Variants in ST6GALNAC5 observed in about 807,000 individuals in gnomAD.
ST6GALNAC5 encodes alpha-N-acetylgalactosaminide alpha-2,6-sialyltransferase 5.
ST6GALNAC5 carries 27 observed loss-of-function variants against 33.6 expected under a neutral mutation model. The observed-to-expected ratio is 0.80, with a 90% CI of 0.59 to 1.11. ST6GALNAC5 has a LOEUF of 1.11. Ranked by LOEUF, ST6GALNAC5 falls within the 50% of genes least tolerant of loss-of-function variation. ST6GALNAC5 has a pLI of 0.00. For missense variants in ST6GALNAC5, 428 were observed against 454.0 expected, an observed-to-expected ratio of 0.94 and a Z score of 0.52; for synonymous variants, 194 against 171.2, an observed-to-expected ratio of 1.13 and a Z score of -1.04.
At chr1:77,056,330 A>G (rs2003706) in intron 4 of ST6GALNAC5, among the ~76,000 whole-genome samples, 58,873 of 151,988 alleles carry the variant, frequency 0.39, 12,232 homozygotes, top group African/African-American at 0.54. Flanking sequence ...ATTTTCCATT[A>G]TAAATTATTT....
chr1:76,976,316 A>C (rs1649008535), intron 2 of ST6GALNAC5, among the ~76,000 whole-genome samples: 1 of 152,156 alleles, frequency 6.6e-6, no homozygotes, highest in Non-Finnish European at 1.5e-5. Flanking sequence ...AAAGAATTTA[A>C]AAATTATTTG....
At chr1:76,959,948 G>A (rs1365231114) in intron 2 of ST6GALNAC5, among the ~76,000 whole-genome samples, 4 of 152,080 alleles carry the variant, frequency 2.6e-5, no homozygotes, top group Non-Finnish European at 4.4e-5. Flanking sequence ...CTTTGGAGAC[G>A]GATAAGAAAA....
chr1:76,995,036 T>C (rs564364257), intron 2 of ST6GALNAC5, among the ~76,000 whole-genome samples: 2 of 152,324 alleles, frequency 1.3e-5, no homozygotes, highest in South Asian at 2.1e-4. Flanking sequence ...TTGGTATAGA[T>C]CACTGTCTCT....
Position 76,868,592 on chromosome 1 carries a change from G to A in ST6GALNAC5, c.111G>A (p.Pro37=), listed in dbSNP as rs754074993. Reference sequence around the variant, plus strand: ...TCGGCGGCCAGAAGGAGCGGCCCCCGCAGCAGCAGCAGCAGCAGCAGCAAC... The same window carrying A: ...TCGGCGGCCAGAAGGAGCGGCCCCCACAGCAGCAGCAGCAGCAGCAGCAAC... ...SSLGGQKERP[P]QQQQQQQQQQ... The change falls in exon 2 of 5, where the codon CCG becomes CCA. Residue 37 remains proline, a synonymous_variant. Transcript: ENST00000477717. This position sits in a 1 kb window ranked among gnomAD's most constrained non-coding sequence, Gnocchi z 4.3. 8 of 1,516,664 alleles carry A rather than the reference G, an allele frequency of 5.3e-6. No homozygotes were observed. In the African/African-American group the frequency reaches 1.2e-4, roughly 22 times the overall value. 94.0% of individuals were successfully genotyped at this position (1,516,664 alleles called of 1,614,324 possible).
At chr1:77,057,995 C>T (rs531434123) in intron 4 of ST6GALNAC5, among the ~76,000 whole-genome samples, 5 of 152,300 alleles carry the variant, frequency 3.3e-5, no homozygotes, top group African/African-American at 9.6e-5. Flanking sequence ...CTCGCAAGCA[C>T]CACACATGGG....
intron 2 of ST6GALNAC5, among the ~76,000 whole-genome samples, chr1:77,029,268 C>T (rs1570114641): frequency 6.6e-6 from 1 of 152,282 alleles, no homozygotes; most frequent in Non-Finnish European, 1.5e-5. Flanking sequence ...AGTTACATTG[C>T]CTGCTGTCAC....
chr1:76,984,972 T>C lies in ST6GALNAC5; in HGVS notation c.262-59232T>C, dbSNP rs533538430. On this transcript the variant is annotated intron_variant, in intron 2 of 4. Transcript: ENST00000477717. ...CTTCGGCAAAATTCAACAGCTTTCT[T>C]GCTAAAAACACGCAATAAACTAGGT... Among the ~76,000 whole-genome samples the C allele has an allele frequency of 3.3e-5, 5 of 152,308 alleles. No homozygotes were observed. In the East Asian group the frequency reaches 9.6e-4, roughly 29 times the overall value.
At chr1:76,924,365 A>C (rs142288336) in intron 2 of ST6GALNAC5, among the ~76,000 whole-genome samples, 4 of 152,284 alleles carry the variant, frequency 2.6e-5, no homozygotes, top group Non-Finnish European at 4.4e-5. Flanking sequence ...CATTTTGTGC[A>C]TCTTAATATC....
intron 2 of ST6GALNAC5, among the ~76,000 whole-genome samples, chr1:76,887,124 A>G (rs1483666260): frequency 6.6e-6 from 1 of 152,220 alleles, no homozygotes; most frequent in Non-Finnish European, 1.5e-5. Flanking sequence ...TGCTACTTCC[A>G]GCCGTTCCCA....
chr1:76,892,081 C>T (rs993088604), intron 2 of ST6GALNAC5, among the ~76,000 whole-genome samples: 8 of 152,126 alleles, frequency 5.3e-5, no homozygotes, highest in East Asian at 3.8e-4. Flanking sequence ...ACTAAAATTC[C>T]GTCTGCTTTG....
At chr1:76,917,943 G>A (rs1646992110) in intron 2 of ST6GALNAC5, among the ~76,000 whole-genome samples, 1 of 152,088 alleles carries the variant, frequency 6.6e-6, no homozygotes, top group Admixed American at 6.6e-5. Flanking sequence ...CTGATTGGAT[G>A]GGGCCCACTC....
chr1:77,041,627 C>G (rs963031732), intron 2 of ST6GALNAC5, among the ~76,000 whole-genome samples: 1 of 152,138 alleles, frequency 6.6e-6, no homozygotes, highest in Non-Finnish European at 1.5e-5. Context: ...CCCAACAGTT[C>G]GCCCAGGGAT....
At chr1:76,927,374 G>A (rs1004415545) in intron 2 of ST6GALNAC5, among the ~76,000 whole-genome samples, 2 of 152,016 alleles carry the variant, frequency 1.3e-5, no homozygotes, top group East Asian at 1.9e-4. Context: ...ATAGTGAGGC[G>A]ATGAAGAGAG....
At chr1:77,000,809 C>A (rs1036758520) in intron 2 of ST6GALNAC5, among the ~76,000 whole-genome samples, 1 of 151,940 alleles carries the variant, frequency 6.6e-6, no homozygotes, top group South Asian at 2.1e-4. Flanking sequence ...TGTAGATATG[C>A]GGCGTTATTT....
intron 2 of ST6GALNAC5, among the ~76,000 whole-genome samples, chr1:77,010,135 G>T (rs1203970784): frequency 1.3e-5 from 2 of 152,150 alleles, no homozygotes; most frequent in African/African-American, 2.4e-5. Context: ...CTAACACAGG[G>T]CTTGGAGCAC....
At chr1:77,001,042 G>C (rs1183517962) in intron 2 of ST6GALNAC5, among the ~76,000 whole-genome samples, 3 of 152,020 alleles carry the variant, frequency 2.0e-5, no homozygotes, top group African/African-American at 7.2e-5. Context: ...GTCATTGGTA[G>C]CTTGATGGGG....
chr1:77,041,029 C>G (rs757575614), intron 2 of ST6GALNAC5, among the ~76,000 whole-genome samples: 2 of 152,220 alleles, frequency 1.3e-5, no homozygotes, highest in Non-Finnish European at 2.9e-5. Context: ...TCTACTTCCT[C>G]AATCCGACCA....
chr1:76,964,668 T>A (rs1350566900), intron 2 of ST6GALNAC5, among the ~76,000 whole-genome samples: 1 of 152,172 alleles, frequency 6.6e-6, no homozygotes, highest in African/African-American at 2.4e-5. Flanking sequence ...TGCAGGTTTG[T>A]TACACAGGTA....
At chr1:76,990,238 A>AT (rs973511067) in intron 2 of ST6GALNAC5, among the ~76,000 whole-genome samples, 2 of 151,996 alleles carry the variant, frequency 1.3e-5, no homozygotes, top group Non-Finnish European at 2.9e-5. Context: ...TTCTGAAGGT[A>AT]TTTTTTTCCT....
Sources: allele counts gnomAD v4.1 joint callset (sites outside exome capture counted in the v4.1 genomes callset), GRCh38; gene constraint gnomAD v4.1.1; non-coding constraint Gnocchi (gnomAD v3.1); transcripts MANE v1.5; gene names NCBI Gene and HGNC (gene_info 2026-07-23, HGNC 2026-07-21).